The following SETD1B variants were observed in gnomAD, a reference collection of about 807,000 sequenced individuals.
The protein encoded by SETD1B is SET domain containing 1B, histone lysine methyltransferase, also known as histone-lysine N-methyltransferase SETD1B.
Under a neutral mutation model 148.0 loss-of-function variants are expected in SETD1B, and 7 were observed. The observed-to-expected ratio is 0.05, with a 90% CI of 0.03 to 0.09. SETD1B has a LOEUF of 0.09. Ranked by LOEUF, SETD1B falls within the 10% of genes least tolerant of loss-of-function variation. The pLI, the probability that SETD1B is intolerant of heterozygous loss-of-function variation, is 1.00. For synonymous variants in SETD1B, 1,361 were observed against 1,186.5 expected (o/e 1.15, Z -3.02); for missense variants, 2,155 against 2,729.9 (o/e 0.79, Z 4.69).
At chr12:121,819,124 A>G (rs1186378676) in intron 10 of SETD1B, among the ~76,000 whole-genome samples, 6 of 150,178 alleles carry the variant, frequency 4.0e-5, no homozygotes, top group Middle Eastern at 7.2e-3. Flanking sequence ...CATGCCTGTA[A>G]TCCCAGCTAC....
the SETD1B span, among the ~76,000 whole-genome samples, chr12:121,790,934 C>A: frequency 2.0e-5 from 3 of 152,108 alleles, no homozygotes; most frequent in Non-Finnish European, 2.9e-5. Context: ...AGTGCAGTAG[C>A]GTGATCTTGA....
In SETD1B at chr12:121,805,263, A is replaced by G; in HGVS notation, c.273+47A>G. ...CCGCCGTCCCTCCCCCACCTCCCCG[A>G]GTTCGAAAATAACGCCAGTCCTGAC... is the stretch of plus-strand genomic sequence containing the variant. On this transcript the variant is annotated intron_variant, in intron 3 of 16. Coordinates refer to ENST00000604567, the MANE Select transcript of SETD1B (RefSeq NM_001353345.2). The surrounding 1 kb of genome is among the most constrained non-coding windows in gnomAD (Gnocchi z 4.2). 2 of 1,245,584 alleles carry G rather than the reference A, an allele frequency of 1.6e-6. No individual in the cohort carries two copies. Among genetic ancestry groups the G allele is most frequent in the Non-Finnish European group, 1.1e-6 (1 of 928,888 alleles). 77.2% of individuals were successfully genotyped at this position (1,245,584 alleles called of 1,614,324 possible). A position where few individuals can be genotyped will look rare whatever the true frequency, so the allele number is the denominator to read the frequency against.
the SETD1B span, chr12:121,797,715 A>G: frequency 2.4e-6 from 1 of 416,654 alleles, no homozygotes; most frequent in Non-Finnish European, 4.9e-6. Flanking sequence ...CCGGAGAGCA[A>G]CGAAGACTCT....
At position 121,819,760 on chromosome 12, in the gene SETD1B, G is replaced by A; in HGVS notation, c.3775G>A (p.Val1259Ile). 6.4e-7 allele frequency: 1 copy of A among 1,551,562 alleles called. No individual in the cohort carries two copies. ...MLDEPPLPVG[V>I]EEPADSREPP... ...GGACGAGCCCCCCTTGCCTGTGGGT[G>A]TTGAAGAGCCAGCGGACTCCAGGGA... is the stretch of plus-strand genomic sequence containing the variant. Residue 1259 changes from valine to isoleucine, a missense_variant, in exon 11 of 17, where the codon GTT becomes ATT. This residue lies in a region of SETD1B where 862 missense variants were observed against 873.8 expected (regional missense o/e 0.99). Transcript: ENST00000604567.
Position 121,804,762 on chromosome 12 carries a change from C to T in SETD1B, c.25C>T (p.His9Tyr). MENSHPPH[H>Y]HHQQPPPQPG... ...CATGGAGAACAGTCACCCCCCCCAC[C>T]ACCACCACCAGCAGCCCCCGCCGCA... is the stretch of plus-strand genomic sequence containing the variant. The change falls in exon 2 of 17, where the codon CAC (histidine) becomes TAC (tyrosine). Residue 9 changes from histidine to tyrosine, a missense_variant. His to Tyr is a moderately conservative substitution (Grantham distance 83). Around this residue, in one of 11 missense-constraint regions of SETD1B, gnomAD observed 36 missense variants for 23.5 expected, o/e 1.53. Coordinates refer to ENST00000604567, the MANE Select transcript of SETD1B (RefSeq NM_001353345.2). This position sits in a 1 kb window ranked among gnomAD's most constrained non-coding sequence, Gnocchi z 4.6. The T allele has an allele frequency of 1.9e-6, 3 of 1,550,388 alleles. No homozygotes were observed. Among genetic ancestry groups the T allele is most frequent in the Non-Finnish European group, 2.6e-6 (3 of 1,146,584 alleles).
At position 121,804,781 on chromosome 12, in the gene SETD1B, C is replaced by T. The variant is rs759783691; in HGVS notation, c.44C>T (p.Pro15Leu). 6.4e-6 allele frequency: 10 copies of T among 1,550,800 alleles called. No homozygotes were observed. The highest frequency in any genetic ancestry group is 1.7e-4 in the Middle Eastern group (1 of 5,956). ...CCCCACCACCACCACCAGCAGCCCC[C>T]GCCGCAGCCCGGCCCTTCGGGCGAG... Reference protein sequence around the residue: ...HPPHHHHQQPPPQPGPSGERR... With the variant: ...HPPHHHHQQPLPQPGPSGERR... Residue 15 changes from proline (P) to leucine (L), a missense_variant, in exon 2 of 17, where the codon CCG (proline) becomes CTG (leucine). Pro to Leu is a moderately conservative substitution (Grantham distance 98). Around this residue, in one of 11 missense-constraint regions of SETD1B, gnomAD observed 36 missense variants for 23.5 expected, o/e 1.53. Coordinates refer to ENST00000604567, the MANE Select transcript of SETD1B (RefSeq NM_001353345.2). The surrounding 1 kb of genome is among the most constrained non-coding windows in gnomAD (Gnocchi z 4.6).
In SETD1B at chr12:121,823,055, C is replaced by T. The variant is rs2137578905; in HGVS notation, c.4476C>T (p.Ala1492=). ...TGGCATTGCCCGCCGTCTTGCGGGCCCAGGCTCGTGCGCCCACCCCGCTGC... is the reference window on the plus strand; with the variant it reads ...TGGCATTGCCCGCCGTCTTGCGGGCTCAGGCTCGTGCGCCCACCCCGCTGC... ...LPLALPAVLR[A]QARAPTPLPP... Residue 1492 remains alanine, a synonymous_variant, in exon 12 of 17, where the codon GCC becomes GCT. Transcript: ENST00000604567. 6.6e-7 allele frequency: 1 copy of T among 1,518,288 alleles called. No homozygotes were observed. The highest frequency in any genetic ancestry group is 8.8e-7 in the Non-Finnish European group (1 of 1,134,010). The allele number at this position is 1,518,288 out of a possible 1,614,324, so 94.1% of individuals were successfully genotyped here.
At chr12:121,802,873 ACCCAC>A (rs750630233), upstream of SETD1B, 2 of 152,222 alleles carry the variant, frequency 1.3e-5, no homozygotes, top group Non-Finnish European at 2.9e-5. Flanking sequence ...CAAAGGAAAA[ACCCAC>A]TTGGCCATTT....
intron 4 of SETD1B, among the ~76,000 whole-genome samples, chr12:121,807,547 T>C (rs2137547124): frequency 6.6e-6 from 1 of 152,106 alleles, no homozygotes; most frequent in Non-Finnish European, 1.5e-5. Flanking sequence ...CAGTAAAGTG[T>C]AGCTCCAGGA....
Position 121,810,805 on chromosome 12 carries a change from C to A in SETD1B, c.1860C>A (p.Asp620Glu). The change falls in exon 6 of 17, where the codon GAC becomes GAA. Residue 620 changes from aspartate (D) to glutamate (E), a missense_variant. Coordinates refer to ENST00000604567, the MANE Select transcript of SETD1B (RefSeq NM_001353345.2). The surrounding 1 kb of genome is among the most constrained non-coding windows in gnomAD (Gnocchi z 7.6). ...AGGTGGCCTTGGACCTGGTTGGAGA[C>A]AGAACCCCGACCTCAGAGAAGATGG... The part of the protein sequence containing the change: ...TAEVALDLVG[D>E]RTPTSEKMDE... 6.6e-7 allele frequency: 1 copy of A among 1,526,102 alleles called. No individual in the cohort carries two copies. Among genetic ancestry groups the A allele is most frequent in the Non-Finnish European group, 8.8e-7 (1 of 1,130,978 alleles). The allele number at this position is 1,526,102 out of a possible 1,614,324, so 94.5% of individuals were successfully genotyped here.
At chr12:121,793,288 A>G in the SETD1B span, 1 of 1,514,334 alleles carries the variant, frequency 6.6e-7, no homozygotes, top group Non-Finnish European at 9.0e-7. Context: ...GGCGGGGGCC[A>G]AAGTTCCAGC....
chr12:121,831,154 G>A lies in SETD1B; in HGVS notation c.*915G>A, dbSNP rs952674262. 2 of 152,132 alleles carry A rather than the reference G, an allele frequency of 1.3e-5. No homozygotes were observed. The highest frequency in any genetic ancestry group is 4.8e-5 in the African/African-American group (2 of 41,440). 9.4% of individuals were successfully genotyped at this position (152,132 alleles called of 1,614,324 possible). ...TTGCCTTCGCCCTGGGTGGGACAGG[G>A]CTCCCAAGGGCAGGCGGGTCCCCCA... On this transcript the variant is annotated 3_prime_UTR_variant, in exon 17 of 17. Transcript: ENST00000604567.
chr12:121,827,776 C>T lies in SETD1B; in HGVS notation c.5511C>T (p.His1837=), dbSNP rs767240043. 20 of 1,553,540 alleles carry T rather than the reference C, an allele frequency of 1.3e-5. No individual in the cohort carries two copies. The highest frequency in any genetic ancestry group is 9.5e-5 in the South Asian group (8 of 84,194). Residue 1837 remains histidine (H), a synonymous_variant, in exon 15 of 17, where the codon CAC becomes CAT. Transcript: ENST00000604567. ...TCAAGTTCTGCAAGAGCCACATTCA[C>T]GACTGGGGCTTGTTCGCCATGGAGC... ...KKLKFCKSHI[H]DWGLFAMEPI...
intron 16 of SETD1B, among the ~76,000 whole-genome samples, chr12:121,828,512 C>T (rs1876949199): frequency 6.6e-6 from 1 of 152,186 alleles, no homozygotes; most frequent in Non-Finnish European, 1.5e-5. Context: ...TGGAAATGTG[C>T]CCAGTGCATC....
Position 121,805,350 on chromosome 12 carries a change from GT to G in SETD1B, c.273+135del, listed in dbSNP as rs1875679052. On this transcript the variant is annotated intron_variant, in intron 3 of 16. Coordinates refer to ENST00000604567, the MANE Select transcript of SETD1B (RefSeq NM_001353345.2). The surrounding 1 kb of genome is among the most constrained non-coding windows in gnomAD (Gnocchi z 4.2). ...GCCAGGGAAGTTTTGGCGGGGAGGG[GT>G]AGAGCGCTGGCGAGAGGGTGTCCCC... 4.2e-6 allele frequency: 3 copies of G among 721,214 alleles called. No individual in the cohort carries two copies. The Admixed American group carries it at 7.7e-5, about 19-fold the overall frequency. 44.7% of individuals were successfully genotyped at this position (721,214 alleles called of 1,614,324 possible). A position where few individuals can be genotyped will look rare whatever the true frequency, so the allele number is the denominator to read the frequency against.
chr12:121,796,604 C>G, the SETD1B span, among the ~76,000 whole-genome samples: 1 of 152,234 alleles, frequency 6.6e-6, no homozygotes, highest in African/African-American at 2.4e-5. Flanking sequence ...GGGACGGGAG[C>G]TGGCCTGGCA....
intron 11 of SETD1B, among the ~76,000 whole-genome samples, chr12:121,820,617 T>C (rs1876521661): frequency 6.6e-6 from 1 of 152,104 alleles, no homozygotes; most frequent in Admixed American, 6.5e-5. Context: ...CACCGCAAGC[T>C]CCGCCTCCCA....
At chr12:121,801,593 A>T (rs1366098550), upstream of SETD1B, 1 of 152,632 alleles carries the variant, frequency 6.6e-6, no homozygotes, top group African/African-American at 2.4e-5. Flanking sequence ...GGTGCCATGG[A>T]GTCTAGAAGA....
chr12:121,806,651 G>T (rs1875757342), intron 4 of SETD1B, among the ~76,000 whole-genome samples: 1 of 152,190 alleles, frequency 6.6e-6, no homozygotes, highest in Admixed American at 6.5e-5. Context: ...TCTCGACAGA[G>T]CCGCCGGGGA....
Sources: gnomAD v4.1 joint callset for allele counts (sites outside exome capture counted in the v4.1 genomes callset) on GRCh38, gnomAD v4.1.1 for gene constraint, gnomAD v4.1.1 regional missense constraint, Gnocchi (gnomAD v3.1) non-coding constraint, MANE v1.5 for transcripts, NCBI Gene and HGNC (gene_info 2026-07-23, HGNC 2026-07-21) for gene names.